KCNH8: variants seen among roughly 807,000 people sequenced by gnomAD.
KCNH8 encodes potassium voltage-gated channel subfamily H member 8, also known as voltage-gated delayed rectifier potassium channel KCNH8.
KCNH8 carries 70 observed loss-of-function variants against 103.6 expected under a neutral mutation model. The observed-to-expected ratio is 0.68, with a 90% confidence interval of 0.56 to 0.82. The LOEUF is 0.82. Among genes scored for constraint, KCNH8 ranks in the 40% least tolerant of loss-of-function variants. The pLI, the probability that KCNH8 is intolerant of heterozygous loss-of-function variation, is 0.00. For missense variants in KCNH8, 1,217 were observed against 1,329.9 expected (o/e 0.92, Z 1.32); for synonymous variants, 498 against 489.4 (o/e 1.02, Z -0.23).
intron 7 of KCNH8, among the ~76,000 whole-genome samples, chr3:19,422,612 G>C (rs115286257): frequency 3.3e-5 from 5 of 152,044 alleles, no homozygotes; most frequent in Non-Finnish European, 7.4e-5. Flanking sequence ...CCCAAATCCT[G>C]TTTTATATGC....
At chr3:19,150,038 A>C (rs2063113387) in intron 1 of KCNH8, among the ~76,000 whole-genome samples, 1 of 152,244 alleles carries the variant, frequency 6.6e-6, no homozygotes, top group Non-Finnish European at 1.5e-5. Flanking sequence ...TTTGACATCT[A>C]GTCTAATCAT....
intron 11 of KCNH8, among the ~76,000 whole-genome samples, chr3:19,509,982 G>A: frequency 8.0e-6 from 1 of 125,356 alleles, no homozygotes; most frequent in Admixed American, 8.5e-5. Context: ...TAGCAAGAAA[G>A]AAGAATAGGG....
intron 1 of KCNH8, among the ~76,000 whole-genome samples, chr3:19,155,345 G>C (rs914499541): frequency 6.6e-6 from 1 of 151,932 alleles, no homozygotes; most frequent in Non-Finnish European, 1.5e-5. Context: ...CCTCTTTATT[G>C]CTTCTGTTTT....
intron 3 of KCNH8, among the ~76,000 whole-genome samples, chr3:19,301,920 G>A (rs1429197122): frequency 6.6e-6 from 1 of 152,180 alleles, no homozygotes; most frequent in African/African-American, 2.4e-5. Flanking sequence ...CAAATGAACA[G>A]ACAAATTAAA....
intron 13 of KCNH8, 125 bp downstream of exon 13, chr3:19,513,450 T>C: frequency 7.3e-7 from 1 of 1,367,670 alleles, no homozygotes; most frequent in Non-Finnish European, 9.8e-7. Context: ...CCTCAGCTTT[T>C]CTGAGTTTTG....
At chr3:19,325,340 G>A (rs2065407068) in intron 3 of KCNH8, among the ~76,000 whole-genome samples, 1 of 148,880 alleles carries the variant, frequency 6.7e-6, no homozygotes, top group Admixed American at 6.6e-5. Context: ...AATGACAAAT[G>A]GGACCTAATT....
chr3:19,505,066 T>TATATATGTATATATAGA (rs1359097039), intron 11 of KCNH8, among the ~76,000 whole-genome samples: 1 of 147,140 alleles, frequency 6.8e-6, no homozygotes, highest in African/African-American at 2.6e-5. Context: ...ACACAATCTC[T>TATATATGTATATATAGA]ATATATGTAT....
chr3:19,429,987 C>G (rs1053292944), intron 7 of KCNH8, among the ~76,000 whole-genome samples: 1 of 152,134 alleles, frequency 6.6e-6, no homozygotes, highest in Non-Finnish European at 1.5e-5. Flanking sequence ...TAGGTTGATT[C>G]CATGTCTTTG....
chr3:19,279,632 C>T (rs77875450), intron 2 of KCNH8, among the ~76,000 whole-genome samples: 12,817 of 151,174 alleles, frequency 0.085, 1,799 homozygotes, highest in African/African-American at 0.29. Context: ...TACAGAGGAA[C>T]GAGCATATTT....
chr3:19,263,662 C>T (rs1384704192), intron 2 of KCNH8, among the ~76,000 whole-genome samples: 1 of 152,036 alleles, frequency 6.6e-6, no homozygotes, highest in Non-Finnish European at 1.5e-5. Context: ...TTTGTGAACT[C>T]ATCTAGGAGA....
chr3:19,211,667 C>T (rs2063772766), intron 1 of KCNH8, among the ~76,000 whole-genome samples: 1 of 152,112 alleles, frequency 6.6e-6, no homozygotes, highest in African/African-American at 2.4e-5. Context: ...TCCCCCTATT[C>T]TTTAACACAT....
At chr3:19,191,932 C>A (rs1217460119) in intron 1 of KCNH8, among the ~76,000 whole-genome samples, 1 of 151,510 alleles carries the variant, frequency 6.6e-6, no homozygotes, top group Non-Finnish European at 1.5e-5. Flanking sequence ...ATTAGTTCTA[C>A]CCATTTTTAA....
intron 3 of KCNH8, among the ~76,000 whole-genome samples, chr3:19,327,681 A>G (rs1287231637): frequency 6.6e-6 from 1 of 152,190 alleles, no homozygotes; most frequent in Non-Finnish European, 1.5e-5. Context: ...GTCTCTCCTG[A>G]CAATTTCAGT....
At chr3:19,388,853 C>T (rs2066394714) in intron 5 of KCNH8, among the ~76,000 whole-genome samples, 1 of 152,022 alleles carries the variant, frequency 6.6e-6, no homozygotes, top group African/African-American at 2.4e-5. Context: ...TAATCCTGTG[C>T]TTCAGTTTTA....
At chr3:19,225,014 G>A (rs929273152) in intron 1 of KCNH8, among the ~76,000 whole-genome samples, 11 of 151,990 alleles carry the variant, frequency 7.2e-5, no homozygotes, top group African/African-American at 2.4e-4. Context: ...GACTGAGAAA[G>A]AAAAAGGATA....
chr3:19,253,715 C>T lies in KCNH8; in HGVS notation c.138C>T (p.Ser46=), dbSNP rs369890839. ...AGGGTTTCCCCATAGTCTACTGTTC[C>T]GATGGCTTCTGCGAGCTTGCTGGAT... The part of the protein sequence containing the change: ...VAKGFPIVYC[S]DGFCELAGFA... Residue 46 remains serine (S), a synonymous_variant, in exon 2 of 16, where the codon TCC becomes TCT. Transcript: ENST00000328405. The T allele has an allele frequency of 1.6e-5, 26 of 1,613,606 alleles. No individual in the cohort carries two copies. The East Asian group carries it at 2.0e-4, about 12-fold the overall frequency.
chr3:19,533,447 T>C lies in KCNH8; in HGVS notation c.2672T>C (p.Val891Ala), dbSNP rs940324682. ...CAGTTGGGTAAAGACATGAGAAATGTGATCCAGCTTCTGGAAAACGTTCTG... is the reference window on the plus strand; with the variant it reads ...CAGTTGGGTAAAGACATGAGAAATGCGATCCAGCTTCTGGAAAACGTTCTG... ...VSQLGKDMRN[V>A]IQLLENVLSP... Residue 891 changes from valine (V) to alanine (A), a missense_variant, in exon 16 of 16, where the codon GTG (valine) becomes GCG (alanine). Val to Ala is a moderately conservative substitution (Grantham distance 64). Coordinates refer to ENST00000328405, the MANE Select transcript of KCNH8 (RefSeq NM_144633.3). The C allele has an allele frequency of 6.2e-7, 1 of 1,614,034 alleles. No homozygotes were observed. Among genetic ancestry groups the C allele is most frequent in the Admixed American group, 1.7e-5 (1 of 60,002 alleles).
rs188986856 is a variant in KCNH8 at position 19,168,715 on chromosome 3, C to T, written c.76+19920C>T. Among the ~76,000 whole-genome samples, 502 of 152,182 alleles carry T rather than the reference C, an allele frequency of 3.3e-3. 5 individuals are homozygous for T. Among genetic ancestry groups the T allele is most frequent in the African/African-American group, 0.011 (476 of 41,536 alleles). On this transcript the variant is annotated intron_variant, in intron 1 of 15. Coordinates refer to ENST00000328405, the MANE Select transcript of KCNH8 (RefSeq NM_144633.3). The stretch of plus-strand genomic sequence containing the variant: ...AATGTCTTCCCATTCGTGTAACTAT[C>T]GTTTTCAAATATGAAGGACGAAGAA...
rs1229565148 is a variant in KCNH8 at position 19,491,248 on chromosome 3, G to A, written c.2041-19115G>A. 2.0e-5 allele frequency among the ~76,000 whole-genome samples: 3 copies of A among 152,066 alleles called. 1 individual carries two copies. Among genetic ancestry groups the A allele is most frequent in the Non-Finnish European group, 1.5e-5 (1 of 68,008 alleles). ...TTTATTTTAGATAGATGGGGTACAT[G>A]GGCAGGTTTATTACATGGGGATATT... On this transcript the variant is annotated intron_variant, in intron 11 of 15. Coordinates refer to ENST00000328405, the MANE Select transcript of KCNH8 (RefSeq NM_144633.3).
Sources: allele counts gnomAD v4.1 joint callset (sites outside exome capture counted in the v4.1 genomes callset), GRCh38; gene constraint gnomAD v4.1.1; transcripts MANE v1.5; gene names NCBI Gene and HGNC (gene_info 2026-07-23, HGNC 2026-07-21).